Variants in FBXO32 observed in about 807,000 individuals in gnomAD.
The protein encoded by FBXO32 is F-box only protein 32.
A neutral mutation model predicts 48.3 loss-of-function variants in FBXO32; 15 were observed. The ratio of observed to expected loss-of-function variants is 0.31; its 90% CI spans 0.21 to 0.48. The LOEUF (loss-of-function observed/expected upper bound fraction) is 0.48, where lower values mean the gene tolerates loss of function less well. Among genes scored for constraint, FBXO32 ranks in the 20% least tolerant of loss-of-function variants. The pLI is 0.99. For synonymous variants in FBXO32, 154 were observed against 165.9 expected (o/e 0.93, Z 0.55); for missense variants, 309 against 432.7 (o/e 0.71, Z 2.54).
At position 123,500,025 on chromosome 8, in the gene FBXO32, C is replaced by A. The variant is rs1816449198; in HGVS notation, c.*3348G>T. ...TCTCACAACTGATACATTGGGGATG[C>A]TTTCACCTAATAGCTTTTGTTCATT... On this transcript the variant is annotated 3_prime_UTR_variant, in exon 9 of 9. Transcript: ENST00000517956. 1.3e-5 allele frequency: 2 copies of A among 152,224 alleles called. No homozygotes were observed. The highest frequency in any genetic ancestry group is 1.9e-4 in the East Asian group (1 of 5,202). The allele number at this position is 152,224 out of a possible 1,614,324, so 9.4% of individuals were successfully genotyped here.
In FBXO32 at chr8:123,497,986, A is replaced by G. The variant is rs980967828; in HGVS notation, c.*5387T>C. 1 of 152,262 alleles carries G rather than the reference A, an allele frequency of 6.6e-6. No individual in the cohort carries two copies. The highest frequency in any genetic ancestry group is 2.4e-5 in the African/African-American group (1 of 41,468). 9.4% of individuals were successfully genotyped at this position (152,262 alleles called of 1,614,324 possible). ...AACAACTATAAAAAATCAGTTCATC[A>G]TGCAAGAAAAGTGTGCAAATAATTT... is the stretch of plus-strand genomic sequence containing the variant. On this transcript the variant is annotated 3_prime_UTR_variant, in exon 9 of 9. Coordinates refer to ENST00000517956, the MANE Select transcript of FBXO32 (RefSeq NM_058229.4).
chr8:123,507,573 G>A, intron 6 of FBXO32, among the ~76,000 whole-genome samples: 1 of 152,030 alleles, frequency 6.6e-6, no homozygotes, highest in East Asian at 1.9e-4. Flanking sequence ...CCTCCGTGGA[G>A]CATTGTGAAA....
chr8:123,529,989 C>G (rs181760112), intron 4 of FBXO32, among the ~76,000 whole-genome samples: 199 of 152,302 alleles, frequency 1.3e-3, no homozygotes, highest in Admixed American at 2.0e-3. Flanking sequence ...ATGGAAGTTT[C>G]CAGATCATCC....
At chr8:123,528,357 G>A (rs1299221015) in intron 4 of FBXO32, among the ~76,000 whole-genome samples, 2 of 152,202 alleles carry the variant, frequency 1.3e-5, no homozygotes, top group Admixed American at 1.3e-4. Flanking sequence ...CCTACTCATG[G>A]TTACAAACTT....
At position 123,500,403 on chromosome 8, in the gene FBXO32, GC is replaced by G. The variant is rs1816457609; in HGVS notation, c.*2969del. The stretch of plus-strand genomic sequence containing the variant: ...CAGGGTTTAGGATGGGGGTAGGTAG[GC>G]ACAGGAAAGAGAGTAGAGCATTCTC... On this transcript the variant is annotated 3_prime_UTR_variant, in exon 9 of 9. Transcript: ENST00000517956. 6.6e-6 allele frequency: 1 copy of G among 152,170 alleles called. No homozygotes were observed. Among genetic ancestry groups the G allele is most frequent in the South Asian group, 2.1e-4 (1 of 4,830 alleles). 9.4% of individuals were successfully genotyped at this position (152,170 alleles called of 1,614,324 possible).
In FBXO32 at chr8:123,503,023, T is replaced by C; in HGVS notation, c.*350A>G. On this transcript the variant is annotated 3_prime_UTR_variant, in exon 9 of 9. Coordinates refer to ENST00000517956, the MANE Select transcript of FBXO32 (RefSeq NM_058229.4). ...TCCTATTTTGTATTTGAGTTTTGCC[T>C]TTTTCTTCCTAGGGAACTATAAGAG... The C allele has an allele frequency of 6.2e-6, 1 of 162,316 alleles. No individual in the cohort carries two copies. 10.1% of individuals were successfully genotyped at this position (162,316 alleles called of 1,614,324 possible).
chr8:123,540,299 C>T lies in FBXO32; in HGVS notation c.116+600G>A, dbSNP rs1366590575. Among the ~76,000 whole-genome samples the T allele has an allele frequency of 6.6e-6, 1 of 152,344 alleles. No homozygotes were observed. Among genetic ancestry groups the T allele is most frequent in the East Asian group, 1.9e-4 (1 of 5,170 alleles). On this transcript the variant is annotated intron_variant, in intron 1 of 8. Coordinates refer to ENST00000517956, the MANE Select transcript of FBXO32 (RefSeq NM_058229.4). The surrounding 1 kb of genome is among the most constrained non-coding windows in gnomAD (Gnocchi z 6.4). The stretch of plus-strand genomic sequence containing the variant: ...GCACCTCTGCAGCCCCAAGCCTCCA[C>T]CGCTCGCAAGTCCGCCCAGTAAGCG...
chr8:123,531,478 T>C (rs1817207665), intron 4 of FBXO32, among the ~76,000 whole-genome samples: 1 of 152,212 alleles, frequency 6.6e-6, no homozygotes, highest in Non-Finnish European at 1.5e-5. Flanking sequence ...CAGTCAGAGA[T>C]ACAGGGTTTT....
chr8:123,535,817 T>C (rs536183260), intron 1 of FBXO32, among the ~76,000 whole-genome samples: 63 of 130,252 alleles, frequency 4.8e-4, no homozygotes, highest in African/African-American at 1.1e-3. Context: ...TGGTAAAACA[T>C]AAATTAGGGG....
At chr8:123,514,052 C>T (rs1816788997) in intron 5 of FBXO32, 188 bp downstream of exon 5, 2 of 525,722 alleles carry the variant, frequency 3.8e-6, no homozygotes, top group Non-Finnish European at 6.7e-6. Context: ...ATGGTCTCAC[C>T]CTTTGCCATG....
chr8:123,534,900 A>G, intron 1 of FBXO32, 86 bp from the exon 2 acceptor site: 1 of 746,942 alleles, frequency 1.3e-6, no homozygotes. Context: ...ACTGAGTTAT[A>G]AGACAAACAA....
intron 2 of FBXO32, 86 bp downstream of exon 2, chr8:123,534,616 T>C: frequency 3.9e-6 from 3 of 774,690 alleles, no homozygotes; most frequent in Non-Finnish European, 6.7e-6. Flanking sequence ...ATGTGTGACA[T>C]GGGAGGTGTT....
chr8:123,513,344 G>C lies in FBXO32; in HGVS notation c.505C>G (p.Leu169Val), dbSNP rs1011837108. The C allele has an allele frequency of 1.2e-6, 2 of 1,614,032 alleles. No homozygotes were observed. The highest frequency in any genetic ancestry group is 2.7e-5 in the African/African-American group (2 of 74,922). Residue 169 changes from leucine to valine, a missense_variant, in exon 6 of 9, where the codon CTA becomes GTA. Leu to Val is a conservative substitution (Grantham distance 32, BLOSUM62 1). Transcript: ENST00000517956. This position sits in a 1 kb window ranked among gnomAD's most constrained non-coding sequence, Gnocchi z 4.3. Reference sequence around the variant, plus strand: ...AAGGATGTGTAGAGGGTCTGGAGTAGTTCCCTTATTAGTCTAATGTTTTGC... The same window carrying C: ...AAGGATGTGTAGAGGGTCTGGAGTACTTCCCTTATTAGTCTAATGTTTTGC... Reference protein sequence around the residue: ...DQQNIRLIRELLQTLYTSLCT... With the variant: ...DQQNIRLIREVLQTLYTSLCT...
intron 6 of FBXO32, among the ~76,000 whole-genome samples, chr8:123,508,583 T>C (rs1406777686): frequency 6.6e-6 from 1 of 152,226 alleles, no homozygotes; most frequent in African/African-American, 2.4e-5. Context: ...TGACAATTTA[T>C]ACCGCTCGGT....
At chr8:123,528,164 A>T (rs1198049716) in intron 4 of FBXO32, among the ~76,000 whole-genome samples, 1 of 152,260 alleles carries the variant, frequency 6.6e-6, no homozygotes, top group South Asian at 2.1e-4. Flanking sequence ...GGGCTTCTGT[A>T]GTCTAACAAG....
chr8:123,520,685 T>C (rs1200503931), intron 4 of FBXO32, among the ~76,000 whole-genome samples: 1 of 152,226 alleles, frequency 6.6e-6, no homozygotes, highest in Non-Finnish European at 1.5e-5. Context: ...AGCAGGCTTC[T>C]TACGTCTTCT....
At chr8:123,523,951 GA>G (rs1817017575) in intron 4 of FBXO32, among the ~76,000 whole-genome samples, 1 of 152,184 alleles carries the variant, frequency 6.6e-6, no homozygotes, top group African/African-American at 2.4e-5. Flanking sequence ...TTACCAGGTT[GA>G]AATTCAATTT....
At position 123,534,949 on chromosome 8, in the gene FBXO32, A is replaced by G. The variant is rs1003236769; in HGVS notation, c.117-135T>C. 9.5e-6 allele frequency: 5 copies of G among 527,540 alleles called. No homozygotes were observed. The Admixed American group carries it at 1.7e-4, about 18-fold the overall frequency. The allele number at this position is 527,540 out of a possible 1,614,324, so 32.7% of individuals were successfully genotyped here. The stretch of plus-strand genomic sequence containing the variant: ...TCAAACAAAATAAAACAATAAAATG[A>G]TCACTCAAAGAAAAAAGAGTCTATA... On this transcript the variant is annotated intron_variant, in intron 1 of 8. Transcript: ENST00000517956.
Position 123,540,918 on chromosome 8 carries a change from A to T in FBXO32, c.97T>A (p.Phe33Ile). The T allele has an allele frequency of 6.2e-7, 1 of 1,613,430 alleles. No homozygotes were observed. Among genetic ancestry groups the T allele is most frequent in the Non-Finnish European group, 8.5e-7 (1 of 1,179,650 alleles). ...CCTCACCTGCTGAGGTCGCTCACGA[A>T]ACTGCCGCTCTTCTCATCCAGGAAG... ...KRFLDEKSGS[F>I]VSDLSSYCNK... The change falls in exon 1 of 9, where the codon TTC becomes ATC. Residue 33 changes from phenylalanine to isoleucine, a missense_variant. Physicochemically the swap from Phe to Ile is conservative, Grantham distance 21 (BLOSUM62 0). Transcript: ENST00000517956. This position sits in a 1 kb window ranked among gnomAD's most constrained non-coding sequence, Gnocchi z 6.4.
Sources: gnomAD v4.1 joint callset for allele counts (sites outside exome capture counted in the v4.1 genomes callset) on GRCh38, gnomAD v4.1.1 for gene constraint, Gnocchi (gnomAD v3.1) non-coding constraint, MANE v1.5 for transcripts, NCBI Gene and HGNC (gene_info 2026-07-23, HGNC 2026-07-21) for gene names.